EFCAB6: variants seen among roughly 807,000 people sequenced by gnomAD.
EFCAB6 encodes the protein EF-hand calcium binding domain 6.
A neutral mutation model predicts 169.8 loss-of-function variants in EFCAB6; 156 were observed. That is an observed-to-expected ratio of 0.92 (90% CI 0.81 to 1.05). EFCAB6 has a LOEUF of 1.05. Among genes scored for constraint, EFCAB6 ranks in the 50% least tolerant of loss-of-function variants. The pLI is 0.00. For missense variants in EFCAB6, 1,800 were observed against 1,829.1 expected, an observed-to-expected ratio of 0.98 and a Z score of 0.29; for synonymous variants, 698 against 676.4, an observed-to-expected ratio of 1.03 and a Z score of -0.50.
At chr22:43,563,621 C>T (rs2049222404) in intron 26 of EFCAB6, among the ~76,000 whole-genome samples, 1 of 152,216 alleles carries the variant, frequency 6.6e-6, no homozygotes, top group Non-Finnish European at 1.5e-5. Flanking sequence ...CCTGGGATTT[C>T]ACCAACACAA....
intron 30 of EFCAB6, among the ~76,000 whole-genome samples, chr22:43,531,347 A>T (rs1159481994): frequency 6.6e-6 from 1 of 152,164 alleles, no homozygotes; most frequent in South Asian, 2.1e-4. Flanking sequence ...ATGCAACGAG[A>T]TGGCCGGGCA....
chr22:43,530,518 G>A, intron 31 of EFCAB6: 1 of 985,326 alleles, frequency 1.0e-6, no homozygotes, highest in South Asian at 4.7e-5. Context: ...CAGCAGCAGT[G>A]ATGGCAGTGC....
At position 43,716,988 on chromosome 22, in the gene EFCAB6, A is replaced by T. The variant is rs375367072; in HGVS notation, c.758-16T>A. On this transcript the variant is annotated splice_polypyrimidine_tract_variant and intron_variant, in intron 8 of 31. Transcript: ENST00000262726. ...AACGAGACCTCTGTTGAAACAAAAT[A>T]GCTTCGGCTTATCAACATTGTCAAA... The T allele has an allele frequency of 2.0e-5, 29 of 1,485,330 alleles. No individual in the cohort carries two copies. In the African/African-American group the frequency reaches 4.1e-4, roughly 21 times the overall value. 92.0% of individuals were successfully genotyped at this position (1,485,330 alleles called of 1,614,324 possible). A position where few individuals can be genotyped will look rare whatever the true frequency, so the allele number is the denominator to read the frequency against.
At chr22:43,811,066 G>A (rs2063097693) in intron 1 of EFCAB6, among the ~76,000 whole-genome samples, 1 of 152,052 alleles carries the variant, frequency 6.6e-6, no homozygotes, top group African/African-American at 2.4e-5. Flanking sequence ...GATCACTTGA[G>A]GTCAGGAGTT....
chr22:43,580,320 T>C, intron 25 of EFCAB6, 144 bp downstream of exon 25: 3 of 786,776 alleles, frequency 3.8e-6, no homozygotes, highest in Non-Finnish European at 6.0e-6. Flanking sequence ...GATACACAAC[T>C]ACCCACATAA....
Position 43,765,352 on chromosome 22 carries a change from A to G in EFCAB6, c.393T>C (p.Phe131=), listed in dbSNP as rs1442076113. The change falls in exon 5 of 32, where the codon TTT becomes TTC. Residue 131 remains phenylalanine, a synonymous_variant. Coordinates refer to ENST00000262726, the MANE Select transcript of EFCAB6 (RefSeq NM_022785.4). ...GGTCAATTCCACCAAACCTGGACAG[A>G]AAGGCAAGGTACGGTACAGTACCAG... The part of the protein sequence containing the change: ...STSGTVPYLA[F]LSRFGGIDLY... 3.1e-6 allele frequency: 5 copies of G among 1,612,862 alleles called. No individual in the cohort carries two copies. Among genetic ancestry groups the G allele is most frequent in the Non-Finnish European group, 4.2e-6 (5 of 1,179,164 alleles).
At chr22:43,765,863 T>C (rs2061311473) in intron 4 of EFCAB6, among the ~76,000 whole-genome samples, 1 of 152,106 alleles carries the variant, frequency 6.6e-6, no homozygotes, top group Non-Finnish European at 1.5e-5. Context: ...TTGGGTCAAG[T>C]GGGTCAATAC....
At chr22:43,760,813 C>T (rs1489392995) in intron 5 of EFCAB6, among the ~76,000 whole-genome samples, 1 of 152,186 alleles carries the variant, frequency 6.6e-6, no homozygotes, top group African/African-American at 2.4e-5. Context: ...CAGGCACGCG[C>T]CACCACATGC....
chr22:43,669,451 G>A (rs771941898), intron 15 of EFCAB6, among the ~76,000 whole-genome samples: 1 of 152,202 alleles, frequency 6.6e-6, no homozygotes, highest in Non-Finnish European at 1.5e-5. Flanking sequence ...TATGCTTGGT[G>A]AATAAAGCCA....
intron 27 of EFCAB6, among the ~76,000 whole-genome samples, chr22:43,544,081 C>T (rs1387073943): frequency 1.3e-5 from 2 of 152,014 alleles, no homozygotes; most frequent in Non-Finnish European, 2.9e-5. Context: ...TCCACTCCTC[C>T]CTCCCCAGCC....
In EFCAB6 at chr22:43,769,958, A is replaced by C. The variant is rs577648883; in HGVS notation, c.351+2934T>G. ...CAAACTCTGCCTCCCGGGTTCAAGC[A>C]ATTCTCCCGCCTCAGCCTCCTGAGT... On this transcript the variant is annotated intron_variant, in intron 4 of 31. Coordinates refer to ENST00000262726, the MANE Select transcript of EFCAB6 (RefSeq NM_022785.4). Among the ~76,000 whole-genome samples, 7 of 151,884 alleles carry C rather than the reference A, an allele frequency of 4.6e-5. No homozygotes were observed. The East Asian group carries it at 1.4e-3, about 29-fold the overall frequency.
At chr22:43,567,319 T>C (rs2049510879) in intron 26 of EFCAB6, among the ~76,000 whole-genome samples, 1 of 152,150 alleles carries the variant, frequency 6.6e-6, no homozygotes, top group Non-Finnish European at 1.5e-5. Flanking sequence ...ATGCCACCCT[T>C]CCACCCTTTA....
chr22:43,576,189 G>A lies in EFCAB6; in HGVS notation c.3420+108C>T, dbSNP rs10428060. On this transcript the variant is annotated intron_variant, in intron 26 of 31. Transcript: ENST00000262726. ...TTCATTTAGAATGAGCTAATTACAT[G>A]AGGTGATTGCCAATTTATCTGATAT... 1.2e-4 allele frequency: 102 copies of A among 881,948 alleles called. No homozygotes were observed. The African/African-American group carries it at 1.6e-3, about 14-fold the overall frequency. 54.6% of individuals were successfully genotyped at this position (881,948 alleles called of 1,614,324 possible). A position where few individuals can be genotyped will look rare whatever the true frequency, so the allele number is the denominator to read the frequency against.
chr22:43,540,427 G>A (rs767573002), intron 27 of EFCAB6, 70 bp from the exon 28 acceptor site: 39 of 1,603,454 alleles, frequency 2.4e-5, no homozygotes, highest in South Asian at 7.7e-5. Flanking sequence ...CTGTGCCAGC[G>A]AGAAGTGGGA....
chr22:43,657,065 A>C (rs2056783189), intron 17 of EFCAB6, among the ~76,000 whole-genome samples: 1 of 152,134 alleles, frequency 6.6e-6, no homozygotes, highest in African/African-American at 2.4e-5. Flanking sequence ...TGAGGCAGGC[A>C]GATCCTTTGA....
intron 8 of EFCAB6, among the ~76,000 whole-genome samples, chr22:43,728,475 A>G (rs2059817526): frequency 6.6e-6 from 1 of 152,218 alleles, no homozygotes; most frequent in African/African-American, 2.4e-5. Flanking sequence ...TAGATCCTTG[A>G]GAAATTGCCA....
intron 2 of EFCAB6, among the ~76,000 whole-genome samples, chr22:43,793,382 T>C (rs2062381147): frequency 6.6e-6 from 1 of 152,160 alleles, no homozygotes; most frequent in East Asian, 1.9e-4. Context: ...ATCTGGATCG[T>C]TCTGAAAATG....
intron 17 of EFCAB6, among the ~76,000 whole-genome samples, chr22:43,636,875 G>C (rs1602804516): frequency 6.6e-6 from 1 of 152,036 alleles, no homozygotes; most frequent in African/African-American, 2.4e-5. Flanking sequence ...CTCCCAAAAT[G>C]CTGAGACATG....
chr22:43,634,745 T>C (rs2055254718), intron 18 of EFCAB6, among the ~76,000 whole-genome samples: 1 of 152,090 alleles, frequency 6.6e-6, no homozygotes, highest in African/African-American at 2.4e-5. Context: ...GGAGGAATAA[T>C]ATTCGTGTTG....
Sources: gnomAD v4.1 joint callset for allele counts (sites outside exome capture counted in the v4.1 genomes callset) on GRCh38, gnomAD v4.1.1 for gene constraint, MANE v1.5 for transcripts, NCBI Gene and HGNC (gene_info 2026-07-23, HGNC 2026-07-21) for gene names.